Variants in GRM4 observed in about 807,000 individuals in gnomAD.
GRM4 encodes the protein glutamate metabotropic receptor 4.
In GRM4, 28 loss-of-function variants were observed where a neutral mutation model predicts 81.7. That is an observed-to-expected ratio of 0.34 (90% CI 0.25 to 0.47). The LOEUF is 0.47. GRM4 is among the 20% of genes least tolerant of loss of function. The probability of loss-of-function intolerance (pLI) is 1.00; values close to 1 mark genes in which losing one functional copy is unlikely to be tolerated. For synonymous variants in GRM4, 488 were observed against 528.8 expected (o/e 0.92, Z 1.06); for missense variants, 948 against 1,290.0 (o/e 0.73, Z 4.06).
At chr6:34,038,700 C>T (rs1764838737) in intron 8 of GRM4, among the ~76,000 whole-genome samples, 2 of 152,120 alleles carry the variant, frequency 1.3e-5, no homozygotes, top group Admixed American at 6.5e-5. Flanking sequence ...ACCACCTCAG[C>T]TCTGTCTGGG....
At chr6:34,150,838 A>G (rs1771030563), upstream of GRM4, among the ~76,000 whole-genome samples, 1 of 152,202 alleles carries the variant, frequency 6.6e-6, no homozygotes, top group African/African-American at 2.4e-5. Flanking sequence ...CTGGGCAGAG[A>G]GGAGGAAGCA....
chr6:34,049,145 T>C (rs1765491246), intron 6 of GRM4, among the ~76,000 whole-genome samples: 1 of 151,940 alleles, frequency 6.6e-6, no homozygotes, highest in African/African-American at 2.4e-5. Context: ...CTGTCATCAG[T>C]TTCTCTCCTC....
rs1243699946 is a variant in GRM4 at position 34,064,738 on chromosome 6, G to A, written c.737-2710C>T. Among the ~76,000 whole-genome samples the A allele has an allele frequency of 6.6e-6, 1 of 152,166 alleles. No individual in the cohort carries two copies. The highest frequency in any genetic ancestry group is 2.4e-5 in the African/African-American group (1 of 41,432). On this transcript the variant is annotated intron_variant, in intron 3 of 10. Transcript: ENST00000538487. The surrounding 1 kb of genome is among the most constrained non-coding windows in gnomAD (Gnocchi z 4.4). Reference sequence around the variant, plus strand: ...TCTCTGCCTCAACTGCTCTCTTGGTGCCTGCTGCAGCCAGAGAAGACCAGA... The same window carrying A: ...TCTCTGCCTCAACTGCTCTCTTGGTACCTGCTGCAGCCAGAGAAGACCAGA...
At chr6:34,096,362 C>T (rs1768516320) in intron 2 of GRM4, among the ~76,000 whole-genome samples, 1 of 152,188 alleles carries the variant, frequency 6.6e-6, no homozygotes, top group Admixed American at 6.5e-5. Context: ...ACTCAAATGT[C>T]ACCTCCTCCA....
chr6:34,022,161 A>AT lies in GRM4; in HGVS notation c.*659dup, dbSNP rs1392731546. On this transcript the variant is annotated 3_prime_UTR_variant, in exon 11 of 11. Coordinates refer to ENST00000538487, the MANE Select transcript of GRM4 (RefSeq NM_000841.4). The surrounding 1 kb of genome is among the most constrained non-coding windows in gnomAD (Gnocchi z 5.6). ...TTCGTTTTGGCTTTTTTGTGTTTTG[A>AT]TTTTTTTTCCTTTTTTCTCTTTTGC... 3 of 153,508 alleles carry AT rather than the reference A, an allele frequency of 2.0e-5. No homozygotes were observed. Among genetic ancestry groups the AT allele is most frequent in the African/African-American group, 2.4e-5 (1 of 41,266 alleles). The allele number at this position is 153,508 out of a possible 1,614,324, so 9.5% of individuals were successfully genotyped here.
At chr6:34,093,090 T>C (rs9380405) in intron 2 of GRM4, among the ~76,000 whole-genome samples, 55,939 of 152,102 alleles carry the variant, frequency 0.37, 11,442 homozygotes, top group Non-Finnish European at 0.47. Flanking sequence ...GGAATGCATA[T>C]TGATCCAGGC....
chr6:34,057,326 C>T (rs1765950971), intron 5 of GRM4, among the ~76,000 whole-genome samples: 1 of 152,202 alleles, frequency 6.6e-6, no homozygotes, highest in Non-Finnish European at 1.5e-5. Context: ...GTGGACTGAG[C>T]TGCTCTGTAT....
At chr6:34,123,764 T>A (rs1050898396) in intron 2 of GRM4, among the ~76,000 whole-genome samples, 29 of 152,286 alleles carry the variant, frequency 1.9e-4, no homozygotes, top group Admixed American at 5.2e-4. Flanking sequence ...AGGCAACAAA[T>A]GGCAGAGCAG....
At chr6:34,146,443 T>G (rs1048954013), upstream of GRM4, among the ~76,000 whole-genome samples, 1 of 152,156 alleles carries the variant, frequency 6.6e-6, no homozygotes, top group Non-Finnish European at 1.5e-5. Context: ...GAAGAATCCC[T>G]TAGCCAACCA....
At chr6:34,149,284 C>A (rs1162074351), upstream of GRM4, among the ~76,000 whole-genome samples, 2 of 152,326 alleles carry the variant, frequency 1.3e-5, no homozygotes, top group South Asian at 4.1e-4. Flanking sequence ...TAAATGCTTC[C>A]GTGTTGAGCT....
At chr6:34,061,612 G>A (rs1441538363) in intron 4 of GRM4, 4 of 358,734 alleles carry the variant, frequency 1.1e-5, no homozygotes, top group Admixed American at 4.1e-5. Context: ...CCGGCCCCAA[G>A]CTCACGGCCT....
chr6:34,023,487 C>T (rs745573724), intron 10 of GRM4, among the ~76,000 whole-genome samples: 4 of 151,966 alleles, frequency 2.6e-5, no homozygotes, highest in Non-Finnish European at 5.9e-5. Flanking sequence ...CTGAGGCATG[C>T]GATTGACTCA....
intron 3 of GRM4, among the ~76,000 whole-genome samples, chr6:34,085,697 G>A (rs1203983876): frequency 3.3e-5 from 5 of 152,240 alleles, no homozygotes; most frequent in African/African-American, 1.2e-4. Flanking sequence ...TTAGATGCTG[G>A]AGATGCAGCG....
Position 34,137,796 on chromosome 6 carries a change from C to T in GRM4, c.-363-3937G>A, listed in dbSNP as rs190031936. ...TTGCAGAGATGACATCTCACTATGT[C>T]GCTTGCCCAGGCTGGTCTCGAACTC... On this transcript the variant is annotated intron_variant, in intron 1 of 10. Transcript: ENST00000538487. Among the ~76,000 whole-genome samples, 402 of 137,436 alleles carry T rather than the reference C, an allele frequency of 2.9e-3. 2 individuals are homozygous for T. Among genetic ancestry groups the T allele is most frequent in the East Asian group, 0.01 (48 of 4,756 alleles). 90.2% of individuals were successfully genotyped at this position (137,436 alleles called of 152,430 possible). A position where few individuals can be genotyped will look rare whatever the true frequency, so the allele number is the denominator to read the frequency against.
intron 3 of GRM4, among the ~76,000 whole-genome samples, chr6:34,067,401 C>T (rs547735249): frequency 7.4e-4 from 105 of 141,480 alleles, no homozygotes; most frequent in Non-Finnish European, 1.3e-3. Context: ...TCCCTCCCTC[C>T]GTCCTTCCCT....
At chr6:34,138,365 T>C (rs1770548640) in intron 1 of GRM4, among the ~76,000 whole-genome samples, 1 of 152,210 alleles carries the variant, frequency 6.6e-6, no homozygotes, top group African/African-American at 2.4e-5. Context: ...TTCACCTTTG[T>C]CTCTGCAGGG....
chr6:34,085,931 A>G (rs922022949), intron 3 of GRM4, among the ~76,000 whole-genome samples: 1 of 152,180 alleles, frequency 6.6e-6, no homozygotes, highest in Non-Finnish European at 1.5e-5. Context: ...GACATGCAGG[A>G]GAAGCTTTCC....
intron 3 of GRM4, among the ~76,000 whole-genome samples, chr6:34,083,326 G>A (rs1561800486): frequency 6.6e-6 from 1 of 152,224 alleles, no homozygotes; most frequent in East Asian, 1.9e-4. Context: ...GCCGACAGGC[G>A]CAGTCCCGGA....
In GRM4 at chr6:34,078,588, T is replaced by C. The variant is rs925820516; in HGVS notation, c.736+13295A>G. ...GTGGCCTCTGCTCTCTCAGCCTGTT[T>C]CCTACCTGTGAAATGGGGTGGGCAT... On this transcript the variant is annotated intron_variant, in intron 3 of 10. Transcript: ENST00000538487. This position sits in a 1 kb window ranked among gnomAD's most constrained non-coding sequence, Gnocchi z 4.8. Among the ~76,000 whole-genome samples the C allele has an allele frequency of 6.6e-6, 1 of 152,140 alleles. No individual in the cohort carries two copies. The highest frequency in any genetic ancestry group is 2.4e-5 in the African/African-American group (1 of 41,422).
Sources: gnomAD v4.1 joint callset for allele counts (sites outside exome capture counted in the v4.1 genomes callset) on GRCh38, gnomAD v4.1.1 for gene constraint, Gnocchi (gnomAD v3.1) non-coding constraint, MANE v1.5 for transcripts, NCBI Gene and HGNC (gene_info 2026-07-23, HGNC 2026-07-21) for gene names.